The following DAB1 variants were observed in gnomAD, a reference collection of about 807,000 sequenced individuals.
DAB1 encodes disabled homolog 1.
Under a neutral mutation model 64.6 loss-of-function variants are expected in DAB1, and 15 were observed. That is an observed-to-expected ratio of 0.23 (90% CI 0.16 to 0.36). The LOEUF (loss-of-function observed/expected upper bound fraction) is 0.36. Ranked by LOEUF, DAB1 falls within the 10% of genes least tolerant of loss-of-function variation. The pLI is 1.00. For synonymous variants in DAB1, 235 were observed against 251.9 expected (o/e 0.93, Z 0.64); for missense variants, 596 against 706.7 (o/e 0.84, Z 1.78).
At chr1:57,445,462 C>G (rs185651940) in intron 7 of DAB1, among the ~76,000 whole-genome samples, 16 of 152,242 alleles carry the variant, frequency 1.1e-4, no homozygotes, top group Admixed American at 1.0e-3. Flanking sequence ...ACAATCCCAT[C>G]ATTCTAATTA....
intron 7 of DAB1, among the ~76,000 whole-genome samples, chr1:57,446,998 A>G (rs951378701): frequency 6.6e-6 from 1 of 152,214 alleles, no homozygotes. Context: ...TATCAGTCAT[A>G]TGTTCACTGA....
chr1:57,255,479 T>C (rs1024011508), intron 2 of DAB1, among the ~76,000 whole-genome samples: 22 of 152,028 alleles, frequency 1.4e-4, no homozygotes, highest in Admixed American at 1.0e-3. Flanking sequence ...CTGGGCATCA[T>C]GGCAAAACCC....
At chr1:57,276,329 T>C (rs974312901) in intron 2 of DAB1, among the ~76,000 whole-genome samples, 1 of 152,200 alleles carries the variant, frequency 6.6e-6, no homozygotes, top group African/African-American at 2.4e-5. Flanking sequence ...ATCTATAACT[T>C]TGTGAGCAGG....
chr1:57,284,717 TAATC>T (rs1672178329), intron 2 of DAB1, among the ~76,000 whole-genome samples: 1 of 152,284 alleles, frequency 6.6e-6, no homozygotes, highest in Non-Finnish European at 1.5e-5. Context: ...CCTAATGAGA[TAATC>T]AATATGATGG....
At chr1:58,425,392 G>A (rs1644813002) in intron 3 of DAB1, among the ~76,000 whole-genome samples, 2 of 152,186 alleles carry the variant, frequency 1.3e-5, no homozygotes, top group Non-Finnish European at 2.9e-5. Flanking sequence ...CCGTTCCTAG[G>A]CTAGCTTTGT....
intron 5 of DAB1, among the ~76,000 whole-genome samples, chr1:57,894,476 A>C (rs1644364921): frequency 6.6e-6 from 1 of 152,212 alleles, no homozygotes; most frequent in Non-Finnish European, 1.5e-5. Context: ...AACCTCCTGA[A>C]TCGCCAGGAG....
At position 58,180,459 on chromosome 1, in the gene DAB1, AT is replaced by A. The variant is rs1362693260; in HGVS notation, n.310-29872del. Among the ~76,000 whole-genome samples the A allele has an allele frequency of 2.0e-5, 3 of 150,904 alleles. No homozygotes were observed. In the South Asian group the frequency reaches 6.3e-4, roughly 32 times the overall value. ...AGGTGCATGCCACCACCCCAGGATA[AT>A]TTTTTAAAATTTTTCATAGAGGCGA... On this transcript the variant is annotated intron_variant and non_coding_transcript_variant, in intron 4 of 20. Coordinates refer to the DAB1 transcript ENST00000485760.
intron 9 of DAB1, among the ~76,000 whole-genome samples, chr1:57,061,234 G>GC (rs1432334333): frequency 4.6e-5 from 7 of 151,174 alleles, no homozygotes; most frequent in Admixed American, 1.3e-4. Context: ...TAGATGGGGG[G>GC]GGGGGGTGGT....
intron 6 of DAB1, among the ~76,000 whole-genome samples, chr1:57,729,905 T>A (rs562810567): frequency 1.1e-4 from 16 of 152,050 alleles, no homozygotes; most frequent in African/African-American, 3.4e-4. Context: ...TAAAATAAAA[T>A]AAAATAAAAT....
At chr1:57,658,365 G>A (rs1229273941) in intron 6 of DAB1, among the ~76,000 whole-genome samples, 15 of 146,810 alleles carry the variant, frequency 1.0e-4, no homozygotes, top group Non-Finnish European at 1.9e-4. Flanking sequence ...GTGCAGTGGC[G>A]TGATTTCTGC....
At chr1:57,951,802 A>T (rs987375040) in intron 5 of DAB1, among the ~76,000 whole-genome samples, 19 of 151,924 alleles carry the variant, frequency 1.3e-4, no homozygotes, top group African/African-American at 4.3e-4. Flanking sequence ...ATTTGAACCA[A>T]CTCCCCATAT....
chr1:57,865,033 C>T (rs999904289), intron 1 of DAB1: 3 of 152,108 alleles, frequency 2.0e-5, no homozygotes, highest in African/African-American at 7.2e-5. Flanking sequence ...AAATAAATCC[C>T]GTACACTTGG....
At position 57,239,324 on chromosome 1, in the gene DAB1, T is replaced by C. The variant is rs1485078363; in HGVS notation, c.67+51640A>G. ...ATTGTCTTCCCAGCACTTACTGCTG[T>C]ACACAGTAATCATGTCATTAATTTG... On this transcript the variant is annotated intron_variant, in intron 2 of 14. Coordinates refer to ENST00000371236, the MANE Select transcript of DAB1 (RefSeq NM_001365792.1). Among the ~76,000 whole-genome samples the C allele has an allele frequency of 3.9e-5, 6 of 152,236 alleles. No individual in the cohort carries two copies. The East Asian group carries it at 1.2e-3, about 29-fold the overall frequency.
intron 7 of DAB1, among the ~76,000 whole-genome samples, chr1:57,597,063 A>C (rs1378150237): frequency 6.6e-6 from 1 of 152,174 alleles, no homozygotes; most frequent in Non-Finnish European, 1.5e-5. Context: ...TTTGAAATTC[A>C]CATCATTCGC....
intron 5 of DAB1, among the ~76,000 whole-genome samples, chr1:58,002,447 T>C (rs1646520365): frequency 6.6e-6 from 1 of 152,248 alleles, no homozygotes; most frequent in Non-Finnish European, 1.5e-5. Flanking sequence ...TCTTCCACTT[T>C]ATTCATACAT....
intron 8 of DAB1, among the ~76,000 whole-genome samples, chr1:57,065,687 CA>C (rs1449876614): frequency 6.6e-6 from 1 of 152,204 alleles, no homozygotes; most frequent in Non-Finnish European, 1.5e-5. Context: ...TTCAGTAACA[CA>C]ATGTTTTAGA....
At chr1:58,158,623 C>G (rs759338974) in intron 4 of DAB1, among the ~76,000 whole-genome samples, 2 of 152,148 alleles carry the variant, frequency 1.3e-5, no homozygotes, top group Non-Finnish European at 2.9e-5. Context: ...TACTGCAGCT[C>G]GCGTTTCCTT....
chr1:57,491,111 C>T (rs77972202), intron 7 of DAB1, among the ~76,000 whole-genome samples: 1,794 of 152,308 alleles, frequency 0.012, 12 homozygotes, highest in Non-Finnish European at 0.018. Context: ...GCCTCAGTTA[C>T]CTTTTGGGTA....
At chr1:57,226,508 T>C (rs2100408765) in intron 2 of DAB1, among the ~76,000 whole-genome samples, 1 of 152,098 alleles carries the variant, frequency 6.6e-6, no homozygotes, top group Middle Eastern at 3.4e-3. Flanking sequence ...CAGAATCTGA[T>C]GCTTCTCAGC....
Sources: gnomAD v4.1 joint callset for allele counts (sites outside exome capture counted in the v4.1 genomes callset) on GRCh38, gnomAD v4.1.1 for gene constraint, MANE v1.5 for transcripts, NCBI Gene and HGNC (gene_info 2026-07-23, HGNC 2026-07-21) for gene names.